The following TMPRSS11F variants were observed in gnomAD, a reference collection of about 807,000 sequenced individuals.
TMPRSS11F encodes the protein transmembrane serine protease 11F, also known as transmembrane protease serine 11F.
In TMPRSS11F, 47 loss-of-function variants were observed where a neutral mutation model predicts 60.2. The ratio of observed to expected loss-of-function variants is 0.78; its 90% CI spans 0.62 to 1.00. The LOEUF (loss-of-function observed/expected upper bound fraction) is 1.00. Ranked by LOEUF, TMPRSS11F falls within the 50% of genes least tolerant of loss-of-function variation. TMPRSS11F has a pLI of 0.00. For synonymous variants in TMPRSS11F, 166 were observed against 167.3 expected (o/e 0.99, Z 0.06); for missense variants, 519 against 522.9 (o/e 0.99, Z 0.07).
At chr4:68,116,632 G>A (rs1724525420) in intron 1 of TMPRSS11F, among the ~76,000 whole-genome samples, 1 of 152,092 alleles carries the variant, frequency 6.6e-6, no homozygotes, top group African/African-American at 2.4e-5. Flanking sequence ...TATGGCATTG[G>A]CATAAAATCA....
chr4:68,125,899 A>T (rs1724705380), intron 1 of TMPRSS11F, among the ~76,000 whole-genome samples: 1 of 152,184 alleles, frequency 6.6e-6, no homozygotes, highest in East Asian at 1.9e-4. Flanking sequence ...GCATTTCAGA[A>T]ATTTAGCCTT....
chr4:68,086,243 A>C (rs752144838), intron 3 of TMPRSS11F, among the ~76,000 whole-genome samples: 3 of 152,168 alleles, frequency 2.0e-5, no homozygotes, highest in Non-Finnish European at 4.4e-5. Flanking sequence ...ACACAACTAC[A>C]TGGAAATTAA....
chr4:68,079,170 C>G (rs1723644685), intron 3 of TMPRSS11F, among the ~76,000 whole-genome samples: 1 of 151,432 alleles, frequency 6.6e-6, no homozygotes, highest in Non-Finnish European at 1.5e-5. Context: ...AAAACTCACA[C>G]TACCTTAGGA....
Position 68,054,028 on chromosome 4 carries a change from T to A in TMPRSS11F, c.1198A>T (p.Ile400Phe), listed in dbSNP as rs750643604. Reference protein sequence around the residue: ...GGPLVYDNHDIWYIVGIVSWG... With the variant: ...GGPLVYDNHDFWYIVGIVSWG... ...CTTACTATACCTACAATGTACCAGATGTCATGATTATCATAAACCAGAGGT... is the reference window on the plus strand; with the variant it reads ...CTTACTATACCTACAATGTACCAGAAGTCATGATTATCATAAACCAGAGGT... The change falls in exon 10 of 10, where the codon ATC becomes TTC. Residue 400 changes from isoleucine to phenylalanine, a missense_variant. Coordinates refer to ENST00000356291, the MANE Select transcript of TMPRSS11F (RefSeq NM_207407.2). 1 of 1,613,458 alleles carries A rather than the reference T, an allele frequency of 6.2e-7. No homozygotes were observed. The highest frequency in any genetic ancestry group is 1.1e-5 in the South Asian group (1 of 91,028).
chr4:68,110,610 C>A (rs1724392948), intron 1 of TMPRSS11F, among the ~76,000 whole-genome samples: 1 of 152,044 alleles, frequency 6.6e-6, no homozygotes, highest in South Asian at 2.1e-4. Context: ...GATACTGAAC[C>A]TTTTTTACCT....
chr4:68,129,240 G>A lies in TMPRSS11F; in HGVS notation c.11+570C>T, dbSNP rs554797328. On this transcript the variant is annotated intron_variant, in intron 1 of 9. Coordinates refer to ENST00000356291, the MANE Select transcript of TMPRSS11F (RefSeq NM_207407.2). ...AATTCAACAATTGATCAATTATTTT[G>A]GAGTTCAATTATGATGATACAAAGT... 3.2e-4 allele frequency among the ~76,000 whole-genome samples: 48 copies of A among 151,934 alleles called. 1 individual carries two copies. Among genetic ancestry groups the A allele is most frequent in the African/African-American group, 1.1e-3 (46 of 41,456 alleles).
At chr4:68,063,358 CTTTT>C (rs373419590) in intron 8 of TMPRSS11F, 3 of 421,504 alleles carry the variant, frequency 7.1e-6, no homozygotes, top group African/African-American at 2.1e-5. Flanking sequence ...CTTTTTCTCT[CTTTT>C]TTTTTGTTTT....
Position 68,068,779 on chromosome 4 carries a change from T to A in TMPRSS11F, c.594A>T (p.Pro198=). The A allele has an allele frequency of 6.2e-7, 1 of 1,614,222 alleles. No individual in the cohort carries two copies. The highest frequency in any genetic ancestry group is 1.1e-5 in the South Asian group (1 of 91,082). The change falls in exon 7 of 10, where the codon CCA becomes CCT. Residue 198 remains proline (P), a synonymous_variant. Transcript: ENST00000356291. ...CAATTCTTTGAGTAGAAGAGGATGCTGGTAATGGCATGTTTGAAGATGTCA... is the reference window on the plus strand; with the variant it reads ...CAATTCTTTGAGTAGAAGAGGATGCAGGTAATGGCATGTTTGAAGATGTCA... ...IRMTSSNMPL[P]ASSSTQRIVQ... is the part of the protein sequence containing the mutation.
chr4:68,106,493 A>G (rs966305851), intron 1 of TMPRSS11F, among the ~76,000 whole-genome samples: 1 of 152,184 alleles, frequency 6.6e-6, no homozygotes, highest in Non-Finnish European at 1.5e-5. Context: ...GATTGCAAAA[A>G]ATGTCCTTGG....
chr4:68,102,823 T>C (rs1724220300), intron 1 of TMPRSS11F, among the ~76,000 whole-genome samples: 1 of 152,116 alleles, frequency 6.6e-6, no homozygotes, highest in East Asian at 1.9e-4. Context: ...AGTTTGATGT[T>C]GTTCTGCTTA....
Position 68,090,117 on chromosome 4 carries a change from T to C in TMPRSS11F, c.282+406A>G, listed in dbSNP as rs111576004. ...GATCTAAGATTAATATCAAGAATTA[T>C]AGCTATACCACGTCCTTTTATATAA... On this transcript the variant is annotated intron_variant, in intron 3 of 9. Coordinates refer to ENST00000356291, the MANE Select transcript of TMPRSS11F (RefSeq NM_207407.2). 1.1e-3 allele frequency among the ~76,000 whole-genome samples: 169 copies of C among 152,244 alleles called. 2 individuals carry two copies. Among genetic ancestry groups the C allele is most frequent in the African/African-American group, 4.0e-3 (167 of 41,584 alleles).
chr4:68,107,437 G>A (rs1217048994), intron 1 of TMPRSS11F, among the ~76,000 whole-genome samples: 5 of 152,128 alleles, frequency 3.3e-5, no homozygotes, highest in African/African-American at 1.2e-4. Flanking sequence ...CTGCAAAGGT[G>A]ATATCTAAGT....
At chr4:68,058,882 G>A (rs1723098384) in intron 9 of TMPRSS11F, among the ~76,000 whole-genome samples, 1 of 152,204 alleles carries the variant, frequency 6.6e-6, no homozygotes, top group Admixed American at 6.5e-5. Flanking sequence ...GTGACTCTAA[G>A]AGGAGGGTCT....
At chr4:68,062,588 T>C (rs1723209899) in intron 8 of TMPRSS11F, 3 of 861,240 alleles carry the variant, frequency 3.5e-6, no homozygotes, top group Admixed American at 3.4e-5. Context: ...TTGCCGTCCT[T>C]TTGACTCTTT....
chr4:68,064,541 C>T (rs532193745), intron 8 of TMPRSS11F, 144 bp downstream of exon 8: 1 of 935,554 alleles, frequency 1.1e-6, no homozygotes, highest in Non-Finnish European at 1.6e-6. Flanking sequence ...CTTTTTAACC[C>T]ACAGTCTCCT....
At chr4:68,056,063 C>G (rs1329282911) in intron 9 of TMPRSS11F, among the ~76,000 whole-genome samples, 4 of 152,074 alleles carry the variant, frequency 2.6e-5, no homozygotes, top group African/African-American at 4.8e-5. Context: ...CATATATTGG[C>G]TTTTATTATT....
At position 68,072,342 on chromosome 4, in the gene TMPRSS11F, T is replaced by C. The variant is rs377412560; in HGVS notation, c.495A>G (p.Lys165=). Residue 165 remains lysine, a synonymous_variant, in exon 5 of 10, where the codon AAA becomes AAG. Transcript: ENST00000356291. ...ACTTACGTGTGAGTCTAAATGATGG[T>C]TTGTTTATGGTCAAAGACAATTGTT... is the stretch of plus-strand genomic sequence containing the variant. ...KTKQLSLTIN[K]PSFRLTPIDS... 23 of 1,581,834 alleles carry C rather than the reference T, an allele frequency of 1.5e-5. No individual in the cohort carries two copies. The highest frequency in any genetic ancestry group is 6.8e-5 in the African/African-American group (5 of 73,896).
intron 1 of TMPRSS11F, among the ~76,000 whole-genome samples, chr4:68,113,491 C>T (rs1365424910): frequency 1.3e-5 from 2 of 150,842 alleles, no homozygotes; most frequent in Admixed American, 1.3e-4. Flanking sequence ...GTATTAATAT[C>T]ACACAAAATC....
At chr4:68,081,699 T>C (rs1237972442) in intron 3 of TMPRSS11F, among the ~76,000 whole-genome samples, 2 of 152,244 alleles carry the variant, frequency 1.3e-5, no homozygotes, top group East Asian at 3.9e-4. Context: ...ACTAGTCATT[T>C]TTTTTAACTT....
Sources: allele counts gnomAD v4.1 joint callset (sites outside exome capture counted in the v4.1 genomes callset), GRCh38; gene constraint gnomAD v4.1.1; transcripts MANE v1.5; gene names NCBI Gene and HGNC (gene_info 2026-07-23, HGNC 2026-07-21).